TIMP2: variants seen among roughly 807,000 people sequenced by gnomAD.
TIMP2 encodes metalloproteinase inhibitor 2.
Under a neutral mutation model 24.3 loss-of-function variants are expected in TIMP2, and 5 were observed. That is an observed-to-expected ratio of 0.21 (90% CI 0.11 to 0.43). TIMP2 has a LOEUF of 0.43. TIMP2 is among the 20% of genes least tolerant of loss of function. TIMP2 has a pLI of 1.00. For missense variants in TIMP2, 221 were observed against 297.5 expected (o/e 0.74, Z 1.89); for synonymous variants, 130 against 123.2 (o/e 1.06, Z -0.37).
chr17:78,892,156 TCTCCTCAA>T, intron 1 of TIMP2: 1 of 1,550,896 alleles, frequency 6.4e-7, no homozygotes, highest in Non-Finnish European at 8.7e-7. Context: ...CCTGATACCC[TCTCCTCAA>T]CTCCTCAGCC....
chr17:78,891,510 G>A lies in TIMP2; in HGVS notation c.131-17591C>T, dbSNP rs1271364587. The A allele has an allele frequency of 4.5e-5, 70 of 1,550,952 alleles. No homozygotes were observed. The highest frequency in any genetic ancestry group is 2.9e-4 in the Admixed American group (15 of 50,972). On this transcript the variant is annotated intron_variant, in intron 1 of 4. Coordinates refer to ENST00000262768, the MANE Select transcript of TIMP2 (RefSeq NM_003255.5). This position sits in a 1 kb window ranked among gnomAD's most constrained non-coding sequence, Gnocchi z 4.5. ...TCTTTCTGCCACTTGTTCTTCTCCC[G>A]GAGCGTGCACTGAGATGCTGGGGAC... is the stretch of plus-strand genomic sequence containing the variant.
intron 3 of TIMP2, among the ~76,000 whole-genome samples, chr17:78,869,732 T>C (rs907019859): frequency 6.6e-6 from 1 of 152,046 alleles, no homozygotes; most frequent in South Asian, 2.1e-4. Context: ...GGAGAATCGC[T>C]TGAACCTGGG....
intron 3 of TIMP2, among the ~76,000 whole-genome samples, chr17:78,867,117 C>A (rs571885441): frequency 6.6e-6 from 1 of 152,182 alleles, no homozygotes; most frequent in South Asian, 2.1e-4. Flanking sequence ...AAAAATTAGC[C>A]AGGTATGGGG....
chr17:78,893,974 C>T (rs555107065), intron 1 of TIMP2, among the ~76,000 whole-genome samples: 1 of 152,240 alleles, frequency 6.6e-6, no homozygotes, highest in African/African-American at 2.4e-5. Flanking sequence ...ATGGAGTCCC[C>T]CTCCACTGCT....
intron 1 of TIMP2, among the ~76,000 whole-genome samples, chr17:78,878,494 A>G (rs949365328): frequency 1.3e-5 from 2 of 152,198 alleles, no homozygotes; most frequent in African/African-American, 4.8e-5. Context: ...GGACGGTGGC[A>G]TCATGCCACT....
intron 3 of TIMP2, 123 bp from the exon 4 acceptor site, chr17:78,857,769 G>A: frequency 7.5e-7 from 1 of 1,338,720 alleles, no homozygotes; most frequent in Non-Finnish European, 1.0e-6. Context: ...TGTCTATTCT[G>A]AGTTAAAACA....
chr17:78,858,971 C>T (rs769300210), intron 3 of TIMP2, among the ~76,000 whole-genome samples: 12 of 152,178 alleles, frequency 7.9e-5, no homozygotes, highest in Admixed American at 2.0e-4. Flanking sequence ...TGAGCCACTG[C>T]GCCCGGCCAA....
At chr17:78,901,685 G>T in intron 1 of TIMP2, 3 of 715,646 alleles carry the variant, frequency 4.2e-6, no homozygotes, top group Non-Finnish European at 7.8e-6. Flanking sequence ...TGCTCTTTAG[G>T]ATGGGGATGA....
At chr17:78,863,209 T>A (rs957107479) in intron 3 of TIMP2, among the ~76,000 whole-genome samples, 1 of 152,298 alleles carries the variant, frequency 6.6e-6, no homozygotes, top group Non-Finnish European at 1.5e-5. Context: ...CTTTACTCCA[T>A]AGCCTTGCCA....
chr17:78,892,364 G>A lies in TIMP2; in HGVS notation c.131-18445C>T, dbSNP rs774731997. 1.0e-5 allele frequency: 16 copies of A among 1,550,560 alleles called. No individual in the cohort carries two copies. In the South Asian group the frequency reaches 1.8e-4, roughly 17 times the overall value. ...CCTGTCTGCGAACCCAGCAGATACA[G>A]CTTCCCAGGGAAGGTGCTTGGAGCC... On this transcript the variant is annotated intron_variant, in intron 1 of 4. Coordinates refer to ENST00000262768, the MANE Select transcript of TIMP2 (RefSeq NM_003255.5).
At chr17:78,919,262 C>T (rs956983031) in intron 1 of TIMP2, among the ~76,000 whole-genome samples, 21 of 152,228 alleles carry the variant, frequency 1.4e-4, no homozygotes, top group Admixed American at 3.9e-4. Flanking sequence ...GCGTGGGTCC[C>T]GGGATGGAAT....
chr17:78,923,396 T>TGGGGGGGGGGGGGGGGGG (rs1255104339), intron 1 of TIMP2, among the ~76,000 whole-genome samples: 30 of 47,668 alleles, frequency 6.3e-4, no homozygotes, highest in South Asian at 1.9e-3. Flanking sequence ...TGGGGCGGGG[T>TGGGGGGGGGGGGGGGGGG]GGGGGGGGGG....
At chr17:78,901,117 A>T (rs957968117) in intron 1 of TIMP2, 1 of 152,644 alleles carries the variant, frequency 6.6e-6, no homozygotes, top group Non-Finnish European at 1.5e-5. Flanking sequence ...AGCGCCGAGA[A>T]CAGAGTCTGG....
In TIMP2 at chr17:78,872,743, G is replaced by A. The variant is rs979051163; in HGVS notation, c.231+1076C>T. On this transcript the variant is annotated intron_variant, in intron 2 of 4. Transcript: ENST00000262768. The stretch of plus-strand genomic sequence containing the variant: ...GTAAAGAAAGAGACTCAGGCACTGA[G>A]AGACTAGGTCATCCCCTTAAACTGA... Among the ~76,000 whole-genome samples the A allele has an allele frequency of 2.0e-5, 3 of 152,232 alleles. No individual in the cohort carries two copies. In the East Asian group the frequency reaches 5.8e-4, roughly 29 times the overall value.
At chr17:78,915,390 C>G (rs1241278511) in intron 1 of TIMP2, among the ~76,000 whole-genome samples, 2 of 152,218 alleles carry the variant, frequency 1.3e-5, no homozygotes, top group African/African-American at 2.4e-5. Flanking sequence ...TCCTCAGTGG[C>G]TCCATCCGTC....
intron 1 of TIMP2, among the ~76,000 whole-genome samples, chr17:78,886,840 T>A (rs777019043): frequency 9.9e-5 from 15 of 152,072 alleles, no homozygotes; most frequent in Non-Finnish European, 1.9e-4. Flanking sequence ...TCATCCCACC[T>A]CAGCCTCCCT....
chr17:78,895,037 C>T (rs1311074382), intron 1 of TIMP2, among the ~76,000 whole-genome samples: 1 of 152,086 alleles, frequency 6.6e-6, no homozygotes, highest in African/African-American at 2.4e-5. Context: ...TCCCAGCACA[C>T]TGGGAGGCTG....
At chr17:78,885,541 CT>C (rs1242838350) in intron 1 of TIMP2, among the ~76,000 whole-genome samples, 1 of 152,186 alleles carries the variant, frequency 6.6e-6, no homozygotes, top group Non-Finnish European at 1.5e-5. Flanking sequence ...GGGGGCACCC[CT>C]GAGCCCGCCA....
chr17:78,872,110 T>A (rs1253575056), intron 2 of TIMP2, among the ~76,000 whole-genome samples: 1 of 150,954 alleles, frequency 6.6e-6, no homozygotes, highest in East Asian at 2.0e-4. Flanking sequence ...CACCTCAGCC[T>A]CCCGAGTAGC....
Sources: allele counts gnomAD v4.1 joint callset (sites outside exome capture counted in the v4.1 genomes callset), GRCh38; gene constraint gnomAD v4.1.1; non-coding constraint Gnocchi (gnomAD v3.1); transcripts MANE v1.5; gene names NCBI Gene and HGNC (gene_info 2026-07-23, HGNC 2026-07-21).